SCN9A: variants seen among roughly 807,000 people sequenced by gnomAD.
SCN9A encodes sodium voltage-gated channel alpha subunit 9.
In SCN9A, 131 loss-of-function variants were observed where a neutral mutation model predicts 187.0. That is an observed-to-expected ratio of 0.70 (90% CI 0.61 to 0.81). The LOEUF is 0.81. SCN9A is among the 30% of genes least tolerant of loss of function. The pLI is 0.00. For synonymous variants in SCN9A, 809 were observed against 808.6 expected (o/e 1.00, Z -0.01); for missense variants, 2,252 against 2,396.6 (o/e 0.94, Z 1.26).
chr2:166,303,101 T>A lies in SCN9A; in HGVS notation c.890A>T (p.Glu297Val), dbSNP rs1476083715. The part of the protein sequence containing the change: ...ESIMNTLESE[E>V]DFRKYFYYLE... The stretch of plus-strand genomic sequence containing the variant: ...AAGGACATTCTTACTTCTAAAGTCT[T>A]CTTCACTCTCTAGGGTATTCATTAT... The change falls in exon 7 of 27, where the codon GAA (glutamate) becomes GTA (valine). Residue 297 changes from glutamate to valine, a missense_variant. Physicochemically the swap from Glu to Val is moderately radical, Grantham distance 121 (BLOSUM62 -2). Around this residue, in one of 7 missense-constraint regions of SCN9A, gnomAD observed 1,013 missense variants for 997.4 expected, o/e 1.02. Transcript: ENST00000642356. The A allele has an allele frequency of 6.3e-7, 1 of 1,597,676 alleles. No individual in the cohort carries two copies. The highest frequency in any genetic ancestry group is 2.2e-5 in the East Asian group (1 of 44,636).
chr2:166,242,238 C>T (rs1486421521), intron 19 of SCN9A, among the ~76,000 whole-genome samples: 1 of 151,258 alleles, frequency 6.6e-6, no homozygotes, highest in African/African-American at 2.4e-5. Context: ...GTTTTGCAAA[C>T]TGATATTGCC....
At chr2:166,217,616 C>T (rs919844968) in intron 24 of SCN9A, among the ~76,000 whole-genome samples, 16 of 152,000 alleles carry the variant, frequency 1.1e-4, no homozygotes, top group Admixed American at 6.6e-5. Context: ...AAAAAATGCT[C>T]AACATCTCTA....
At chr2:166,260,147 A>C (rs560842992) in intron 17 of SCN9A, among the ~76,000 whole-genome samples, 4 of 151,930 alleles carry the variant, frequency 2.6e-5, no homozygotes, top group African/African-American at 4.8e-5. Context: ...AAACCACCAC[A>C]TAGTAAAAGG....
At position 166,278,218 on chromosome 2, in the gene SCN9A, G is replaced by C. The variant is rs745851790; in HGVS notation, c.2439C>G (p.Ser813Arg). The C allele has an allele frequency of 1.2e-6, 2 of 1,612,712 alleles. No homozygotes were observed. Among genetic ancestry groups the C allele is most frequent in the Non-Finnish European group, 1.7e-6 (2 of 1,179,342 alleles). Residue 813 changes from serine (S) to arginine (R), a missense_variant, in exon 15 of 27, where the codon AGC becomes AGG. Physicochemically the swap from Ser to Arg is moderately radical, Grantham distance 110 (BLOSUM62 -1). Coordinates refer to ENST00000642356, the MANE Select transcript of SCN9A (RefSeq NM_001365536.1). ...CCACTAAACTTAAAGTCACAATAAG[G>C]CTGTCAAAAATATTCCAGCCTACTT... Reference protein sequence around the residue: ...YFQVGWNIFDSLIVTLSLVEL... With the variant: ...YFQVGWNIFDRLIVTLSLVEL...
intron 1 of SCN9A, among the ~76,000 whole-genome samples, chr2:166,371,647 A>G (rs1302368022): frequency 6.6e-6 from 1 of 152,204 alleles, no homozygotes; most frequent in African/African-American, 2.4e-5. Flanking sequence ...ACAATTTTAT[A>G]ATATCTATTT....
chr2:166,205,408 G>A (rs1693750884), intron 24 of SCN9A, among the ~76,000 whole-genome samples: 1 of 152,064 alleles, frequency 6.6e-6, no homozygotes, highest in Non-Finnish European at 1.5e-5. Context: ...ACAAGCAACG[G>A]GGAAAGGCTT....
intron 1 of SCN9A, among the ~76,000 whole-genome samples, chr2:166,331,579 A>G (rs1343457656): frequency 6.6e-6 from 1 of 152,208 alleles, no homozygotes; most frequent in African/African-American, 2.4e-5. Flanking sequence ...GCAAATGAGC[A>G]AGACATCCTA....
In SCN9A at chr2:166,233,247, C is replaced by T. The variant is rs115342172; in HGVS notation, c.3924+93G>A. On this transcript the variant is annotated intron_variant, in intron 21 of 26. Coordinates refer to ENST00000642356, the MANE Select transcript of SCN9A (RefSeq NM_001365536.1). ...TAAACAGCCTATGTATTTATGTAAA[C>T]AGAAACAACTCATAATTTCTACATA... 4,398 of 906,444 alleles carry T rather than the reference C, an allele frequency of 4.9e-3. 180 individuals carry two copies. In the African/African-American group the frequency reaches 0.071, roughly 15 times the overall value. 56.2% of individuals were successfully genotyped at this position (906,444 alleles called of 1,614,324 possible). A position where few individuals can be genotyped will look rare whatever the true frequency, so the allele number is the denominator to read the frequency against.
intron 13 of SCN9A, 144 bp downstream of exon 13, chr2:166,281,535 T>C: frequency 1.6e-6 from 1 of 610,034 alleles, no homozygotes; most frequent in Non-Finnish European, 2.7e-6. Context: ...TCCATCAGTA[T>C]CCATTGGTTA....
chr2:166,280,101 G>GA (rs1697410515), intron 14 of SCN9A, among the ~76,000 whole-genome samples: 2 of 152,098 alleles, frequency 1.3e-5, no homozygotes, highest in Admixed American at 6.6e-5. Context: ...TATGCTGGCA[G>GA]AAAAAATCAT....
At chr2:166,209,720 TG>T (rs1479388047) in intron 24 of SCN9A, among the ~76,000 whole-genome samples, 1 of 151,960 alleles carries the variant, frequency 6.6e-6, no homozygotes, top group African/African-American at 2.4e-5. Flanking sequence ...TCATCATCAC[TG>T]GCCATCAGAG....
intron 1 of SCN9A, among the ~76,000 whole-genome samples, chr2:166,364,381 T>C (rs1403695772): frequency 6.6e-6 from 1 of 152,148 alleles, no homozygotes; most frequent in Non-Finnish European, 1.5e-5. Context: ...TGTACACCAA[T>C]GTTCATAGCA....
intron 23 of SCN9A, among the ~76,000 whole-genome samples, chr2:166,227,405 A>T (rs1462339594): frequency 1.3e-5 from 2 of 152,162 alleles, no homozygotes; most frequent in Non-Finnish European, 2.9e-5. Context: ...TAAATTATAG[A>T]TTAGACAAAT....
chr2:166,282,991 A>G (rs758752069), intron 12 of SCN9A, among the ~76,000 whole-genome samples: 6 of 152,176 alleles, frequency 3.9e-5, no homozygotes, highest in Non-Finnish European at 7.4e-5. Context: ...ATATTGTGCC[A>G]CAATTTTATG....
intron 1 of SCN9A, among the ~76,000 whole-genome samples, chr2:166,318,031 T>C (rs923703168): frequency 2.0e-5 from 3 of 152,192 alleles, no homozygotes; most frequent in Admixed American, 2.0e-4. Flanking sequence ...AATCCATGGA[T>C]TATTTATTCA....
At chr2:166,252,506 A>G (rs1214844210) in intron 17 of SCN9A, among the ~76,000 whole-genome samples, 1 of 151,976 alleles carries the variant, frequency 6.6e-6, no homozygotes, top group Admixed American at 6.6e-5. Context: ...CAAAATGCCA[A>G]TGACCATACC....
chr2:166,231,640 C>T (rs995170155), intron 21 of SCN9A, among the ~76,000 whole-genome samples: 4 of 150,130 alleles, frequency 2.7e-5, no homozygotes, highest in Non-Finnish European at 5.9e-5. Flanking sequence ...CAACCTCTGC[C>T]TCCCGGGTTC....
intron 1 of SCN9A, among the ~76,000 whole-genome samples, chr2:166,332,576 T>C (rs1446952579): frequency 2.0e-5 from 3 of 152,130 alleles, no homozygotes; most frequent in African/African-American, 7.2e-5. Flanking sequence ...AGAAACATAA[T>C]GCAGTCTGTA....
intron 1 of SCN9A, among the ~76,000 whole-genome samples, chr2:166,312,495 T>C (rs1390634295): frequency 1.3e-5 from 2 of 152,206 alleles, no homozygotes; most frequent in African/African-American, 4.8e-5. Flanking sequence ...TCCAATTTCC[T>C]ATTAATGTTT....
Sources: gnomAD v4.1 joint callset for allele counts (sites outside exome capture counted in the v4.1 genomes callset) on GRCh38, gnomAD v4.1.1 for gene constraint, gnomAD v4.1.1 regional missense constraint, MANE v1.5 for transcripts, NCBI Gene and HGNC (gene_info 2026-07-23, HGNC 2026-07-21) for gene names.